The following VWC2L variants were observed in gnomAD, a reference collection of about 807,000 sequenced individuals.
The protein encoded by VWC2L is von Willebrand factor C domain containing 2 like.
Under a neutral mutation model 21.6 loss-of-function variants are expected in VWC2L, and 10 were observed. The observed-to-expected ratio is 0.46, with a 90% CI of 0.29 to 0.78. The LOEUF (loss-of-function observed/expected upper bound fraction) is 0.78. Ranked by LOEUF, VWC2L falls within the 30% of genes least tolerant of loss-of-function variation. The pLI is 0.10. For missense variants in VWC2L, 209 were observed against 277.1 expected, an observed-to-expected ratio of 0.75 and a Z score of 1.74; for synonymous variants, 96 against 94.3, an observed-to-expected ratio of 1.02 and a Z score of -0.10.
chr2:214,443,153 G>A lies in VWC2L; in HGVS notation c.520+6395G>A, dbSNP rs373505675. ...CCCAGCACATTGGGAAGCTGTAGCCGGCAGATCACAAGGTCAGGAATTGGA... is the reference window on the plus strand; with the variant it reads ...CCCAGCACATTGGGAAGCTGTAGCCAGCAGATCACAAGGTCAGGAATTGGA... On this transcript the variant is annotated intron_variant, in intron 3 of 3. Coordinates refer to ENST00000312504, the MANE Select transcript of VWC2L (RefSeq NM_001080500.4). 9.9e-5 allele frequency among the ~76,000 whole-genome samples: 15 copies of A among 152,120 alleles called. No individual in the cohort carries two copies. The East Asian group carries it at 2.1e-3, about 22-fold the overall frequency.
chr2:214,430,216 C>CTTTGT (rs10654111), intron 2 of VWC2L, among the ~76,000 whole-genome samples: 1 of 151,412 alleles, frequency 6.6e-6, no homozygotes. Flanking sequence ...AATGAGCAAA[C>CTTTGT]TTTACTTGAT....
intron 3 of VWC2L, among the ~76,000 whole-genome samples, chr2:214,462,559 T>C (rs1416976251): frequency 2.0e-5 from 3 of 152,176 alleles, no homozygotes; most frequent in Non-Finnish European, 4.4e-5. Context: ...ATTCTTGATG[T>C]TGATGATTTT....
chr2:214,549,835 C>T (rs1689765729), intron 3 of VWC2L, among the ~76,000 whole-genome samples: 4 of 152,130 alleles, frequency 2.6e-5, no homozygotes, highest in Admixed American at 2.0e-4. Flanking sequence ...TTATCAAAGA[C>T]TGAGATCTGG....
chr2:214,575,918 G>C lies in VWC2L; in HGVS notation c.*98G>C, dbSNP rs1307081913. ...AAACAAAACAAACAAACTCCTGCCA[G>C]CTACAACAGGGTCACCAGCAAAACT... is the stretch of plus-strand genomic sequence containing the variant. On this transcript the variant is annotated 3_prime_UTR_variant, in exon 4 of 4. Coordinates refer to ENST00000312504, the MANE Select transcript of VWC2L (RefSeq NM_001080500.4). 20 of 1,391,438 alleles carry C rather than the reference G, an allele frequency of 1.4e-5. No individual in the cohort carries two copies. The highest frequency in any genetic ancestry group is 1.8e-5 in the Non-Finnish European group (19 of 1,032,596). The allele number at this position is 1,391,438 out of a possible 1,614,324, so 86.2% of individuals were successfully genotyped here.
At chr2:214,454,878 A>G (rs1399719028) in intron 3 of VWC2L, among the ~76,000 whole-genome samples, 2 of 152,078 alleles carry the variant, frequency 1.3e-5, no homozygotes, top group Non-Finnish European at 2.9e-5. Context: ...CTGGGATTAC[A>G]GGCTTGAGCC....
At chr2:214,514,804 A>G (rs983567704) in intron 3 of VWC2L, among the ~76,000 whole-genome samples, 3 of 152,234 alleles carry the variant, frequency 2.0e-5, no homozygotes, top group Admixed American at 2.0e-4. Flanking sequence ...AATTGGCATA[A>G]TCACAGTTTC....
intron 2 of VWC2L, among the ~76,000 whole-genome samples, chr2:214,427,069 A>G (rs1193726941): frequency 6.6e-6 from 1 of 152,238 alleles, no homozygotes; most frequent in Non-Finnish European, 1.5e-5. Context: ...TAAAAACAAA[A>G]TTCTAAATCA....
At chr2:214,550,355 T>A (rs1007941472) in intron 3 of VWC2L, among the ~76,000 whole-genome samples, 3 of 152,254 alleles carry the variant, frequency 2.0e-5, no homozygotes, top group African/African-American at 7.2e-5. Context: ...CATTTCAACC[T>A]TGGCTCTTTC....
intron 3 of VWC2L, among the ~76,000 whole-genome samples, chr2:214,539,696 C>T (rs1422915799): frequency 6.6e-6 from 1 of 152,076 alleles, no homozygotes; most frequent in Non-Finnish European, 1.5e-5. Context: ...AATTAGATTG[C>T]ATAAACTTTT....
intron 3 of VWC2L, among the ~76,000 whole-genome samples, chr2:214,467,436 T>G (rs1703233420): frequency 6.6e-6 from 1 of 152,202 alleles, no homozygotes; most frequent in Admixed American, 6.5e-5. Context: ...TGATTTTCCC[T>G]ACCCATGACT....
intron 3 of VWC2L, among the ~76,000 whole-genome samples, chr2:214,442,279 T>C (rs1342389426): frequency 6.6e-6 from 1 of 152,188 alleles, no homozygotes; most frequent in Admixed American, 6.5e-5. Flanking sequence ...GGCTACATAA[T>C]AGAATGTTAA....
At position 214,574,010 on chromosome 2, in the gene VWC2L, C is replaced by T. The variant is rs1049319827; in HGVS notation, c.521-1662C>T. On this transcript the variant is annotated intron_variant, in intron 3 of 3. Coordinates refer to ENST00000312504, the MANE Select transcript of VWC2L (RefSeq NM_001080500.4). ...ACAAAAAATTAGCCAGGTGTGATGG[C>T]GCTTGCCTGTAGTCCCAGCTACCTG... Among the ~76,000 whole-genome samples the T allele has an allele frequency of 4.3e-4, 66 of 152,230 alleles. 1 individual carries two copies. The highest frequency in any genetic ancestry group is 3.4e-3 in the Middle Eastern group (1 of 294).
intron 2 of VWC2L, among the ~76,000 whole-genome samples, chr2:214,426,126 C>T (rs768931517): frequency 7.2e-4 from 97 of 133,870 alleles, no homozygotes; most frequent in Non-Finnish European, 1.4e-3. Context: ...GAGCCGAGTT[C>T]TGGCCATTGC....
intron 3 of VWC2L, among the ~76,000 whole-genome samples, chr2:214,534,890 A>G (rs1689501988): frequency 6.6e-6 from 1 of 152,096 alleles, no homozygotes; most frequent in South Asian, 2.1e-4. Flanking sequence ...CTAGTGTTAT[A>G]TTAGTGAAAA....
intron 3 of VWC2L, among the ~76,000 whole-genome samples, chr2:214,438,853 T>G (rs77504229): frequency 5.9e-5 from 9 of 152,076 alleles, no homozygotes. Context: ...CTAGTATTTC[T>G]GATAAACAGA....
intron 3 of VWC2L, among the ~76,000 whole-genome samples, chr2:214,561,754 A>C (rs1348577899): frequency 6.7e-6 from 1 of 148,270 alleles, no homozygotes; most frequent in African/African-American, 2.5e-5. Context: ...CAACCCGGGC[A>C]ACCAGAGTAA....
intron 2 of VWC2L, among the ~76,000 whole-genome samples, chr2:214,435,116 G>A (rs1039370392): frequency 1.2e-4 from 19 of 152,256 alleles, no homozygotes; most frequent in African/African-American, 4.6e-4. Flanking sequence ...TGCAAAATAA[G>A]GAGCAAAAGA....
chr2:214,563,606 T>G (rs1437403100), intron 3 of VWC2L, among the ~76,000 whole-genome samples: 1 of 148,034 alleles, frequency 6.8e-6, no homozygotes, highest in East Asian at 2.0e-4. Flanking sequence ...ATGTGAAGCC[T>G]TATTTCTGAG....
intron 3 of VWC2L, among the ~76,000 whole-genome samples, chr2:214,547,617 AG>A (rs1689729982): frequency 6.6e-6 from 1 of 152,200 alleles, no homozygotes; most frequent in African/African-American, 2.4e-5. Flanking sequence ...CACTTATTCA[AG>A]ATCATTATAG....
Sources: gnomAD v4.1 joint callset for allele counts (sites outside exome capture counted in the v4.1 genomes callset) on GRCh38, gnomAD v4.1.1 for gene constraint, MANE v1.5 for transcripts, NCBI Gene and HGNC (gene_info 2026-07-23, HGNC 2026-07-21) for gene names.